The following TSC1 variants were observed in gnomAD, a reference collection of about 807,000 sequenced individuals.
The protein encoded by TSC1 is TSC complex subunit 1, also known as hamartin.
In TSC1, 20 loss-of-function variants were observed where a neutral mutation model predicts 124.3. The ratio of observed to expected loss-of-function variants is 0.16; its 90% CI spans 0.11 to 0.23. The LOEUF is 0.23. TSC1 is among the 10% of genes least tolerant of loss of function. The pLI, the probability that TSC1 is intolerant of heterozygous loss-of-function variation, is 1.00. For missense variants in TSC1, 1,124 were observed against 1,448.5 expected (o/e 0.78, Z 3.64); for synonymous variants, 493 against 539.1 (o/e 0.91, Z 1.19).
In TSC1 at chr9:132,902,101, T is replaced by C; in HGVS notation, c.2392-402A>G. 4.1e-6 allele frequency: 1 copy of C among 245,704 alleles called. No individual in the cohort carries two copies. The highest frequency in any genetic ancestry group is 5.7e-5 in the South Asian group (1 of 17,532). The allele number at this position is 245,704 out of a possible 1,614,324, so 15.2% of individuals were successfully genotyped here. ...ACGTCTTTGTGAAGCCGGGTTTTTTTGGGTGCAGTGATACAAAGCACCACA... is the reference window on the plus strand; with the variant it reads ...ACGTCTTTGTGAAGCCGGGTTTTTTCGGGTGCAGTGATACAAAGCACCACA... On this transcript the variant is annotated intron_variant, in intron 18 of 22. Transcript: ENST00000298552. This position sits in a 1 kb window ranked among gnomAD's most constrained non-coding sequence, Gnocchi z 5.2.
At position 132,892,152 on chromosome 9, in the gene TSC1, G is replaced by A. The variant is rs1844804376; in HGVS notation, c.*4083C>T. ...GACGGCATGGAAGAGACAGGAACACGCTCCCCTGGGCACATCGAAGAGTCC... is the reference window on the plus strand; with the variant it reads ...GACGGCATGGAAGAGACAGGAACACACTCCCCTGGGCACATCGAAGAGTCC... On this transcript the variant is annotated 3_prime_UTR_variant, in exon 23 of 23. Transcript: ENST00000298552. The A allele has an allele frequency of 8.6e-6, 2 of 233,036 alleles. No homozygotes were observed. Among genetic ancestry groups the A allele is most frequent in the East Asian group, 6.0e-5 (1 of 16,574 alleles). The allele number at this position is 233,036 out of a possible 1,614,324, so 14.4% of individuals were successfully genotyped here. A position where few individuals can be genotyped will look rare whatever the true frequency, so the allele number is the denominator to read the frequency against.
Position 132,894,713 on chromosome 9 carries a change from AAAG to A in TSC1, c.*1519_*1521del. On this transcript the variant is annotated 3_prime_UTR_variant, in exon 23 of 23. Coordinates refer to ENST00000298552, the MANE Select transcript of TSC1 (RefSeq NM_000368.5). Reference sequence around the variant, plus strand: ...CATGCTAAAAAAAAAAAAAAAAAAAAAAGACTTTCATTCTCTCTGCTCGAGGCC... The same window carrying A: ...CATGCTAAAAAAAAAAAAAAAAAAAAACTTTCATTCTCTCTGCTCGAGGCC... 1 of 198,308 alleles carries A rather than the reference AAAG, an allele frequency of 5.0e-6. No homozygotes were observed. Among genetic ancestry groups the A allele is most frequent in the Non-Finnish European group, 1.0e-5 (1 of 95,680 alleles). The allele number at this position is 198,308 out of a possible 1,614,324, so 12.3% of individuals were successfully genotyped here.
chr9:132,922,124 C>T, intron 6 of TSC1, 151 bp from the exon 7 acceptor site: 1 of 904,754 alleles, frequency 1.1e-6, no homozygotes, highest in South Asian at 1.4e-5. Flanking sequence ...TTCTAAAATG[C>T]AAACAAATCC....
rs1265920563 is a variant in TSC1, at chr9:132,892,056, C to T, written c.*4179G>A. Reference sequence around the variant, plus strand: ...ACCAGAAGCCATGGGCACAGGTGCTCGGCTCTTCCAGGCAGGCTTCCCTTG... The same window carrying T: ...ACCAGAAGCCATGGGCACAGGTGCTTGGCTCTTCCAGGCAGGCTTCCCTTG... On this transcript the variant is annotated 3_prime_UTR_variant, in exon 23 of 23. Transcript: ENST00000298552. The T allele has an allele frequency of 8.6e-6, 2 of 233,038 alleles. No homozygotes were observed. The highest frequency in any genetic ancestry group is 5.6e-5 in the Admixed American group (1 of 17,776). The allele number at this position is 233,038 out of a possible 1,614,324, so 14.4% of individuals were successfully genotyped here.
chr9:132,905,259 C>T (rs973612682), intron 15 of TSC1, among the ~76,000 whole-genome samples: 1 of 152,140 alleles, frequency 6.6e-6, no homozygotes, highest in African/African-American at 2.4e-5. Context: ...ATACCATAAC[C>T]TCATTTTCAG....
At chr9:132,900,644 A>T (rs118186195) in intron 20 of TSC1, 71 bp downstream of exon 20, 19 of 1,608,916 alleles carry the variant, frequency 1.2e-5, no homozygotes, top group Non-Finnish European at 1.5e-5. Context: ...TCTCTATGCC[A>T]TGCGGGAGAC....
In TSC1 at chr9:132,893,717, C is replaced by T. The variant is rs138187401; in HGVS notation, c.*2518G>A. ...ATTTCTGGATGGAGGCCATCCAATC[C>T]CAATATTTATGAATACCAAGCTGCT... On this transcript the variant is annotated 3_prime_UTR_variant, in exon 23 of 23. Transcript: ENST00000298552. 2.4e-4 allele frequency: 56 copies of T among 233,146 alleles called. No homozygotes were observed. The East Asian group carries it at 3.4e-3, about 14-fold the overall frequency. 14.4% of individuals were successfully genotyped at this position (233,146 alleles called of 1,614,324 possible). A position where few individuals can be genotyped will look rare whatever the true frequency, so the allele number is the denominator to read the frequency against.
At chr9:132,904,344 G>C (rs1845536184) in intron 16 of TSC1, 67 bp downstream of exon 16, 1 of 1,576,042 alleles carries the variant, frequency 6.3e-7, no homozygotes, top group Admixed American at 1.7e-5. Context: ...CTCCTTCAAG[G>C]ACAGAAAGGG....
chr9:132,913,244 G>A (rs1039864868), intron 8 of TSC1, among the ~76,000 whole-genome samples: 1 of 152,182 alleles, frequency 6.6e-6, no homozygotes, highest in East Asian at 1.9e-4. Context: ...CTGAAGGCAT[G>A]ATTTTTTAAA....
At position 132,896,313 on chromosome 9, in the gene TSC1, G is replaced by C. The variant is rs756737864; in HGVS notation, c.3417C>G (p.His1139Gln). 1 of 1,614,124 alleles carries C rather than the reference G, an allele frequency of 6.2e-7. No individual in the cohort carries two copies. The highest frequency in any genetic ancestry group is 1.3e-5 in the African/African-American group (1 of 74,950). The change falls in exon 23 of 23, where the codon CAC (histidine) becomes CAG (glutamine). Residue 1139 changes from histidine (H) to glutamine (Q), a missense_variant. Transcript: ENST00000298552. This position sits in a 1 kb window ranked among gnomAD's most constrained non-coding sequence, Gnocchi z 4.5. ...AKIPLNLDGPHPSPPTPDSVG... is the reference protein window; with the variant it reads ...AKIPLNLDGPQPSPPTPDSVG... ...CACTGTCCGGGGTCGGGGGAGACGG[G>C]TGAGGGCCATCTAGGTTCAGGGGAA...
intron 8 of TSC1, among the ~76,000 whole-genome samples, chr9:132,920,811 C>T (rs936431256): frequency 1.3e-5 from 2 of 152,008 alleles, no homozygotes; most frequent in African/African-American, 4.8e-5. Context: ...CAGTCTTACC[C>T]TCAGTTCCAC....
intron 3 of TSC1, among the ~76,000 whole-genome samples, chr9:132,927,611 C>T (rs1253206065): frequency 6.7e-6 from 1 of 148,530 alleles, no homozygotes; most frequent in Non-Finnish European, 1.5e-5. Flanking sequence ...CAACCTCTGC[C>T]TCCTGGGTTC....
intron 22 of TSC1, 90 bp downstream of exon 22, chr9:132,897,094 C>T: frequency 6.3e-7 from 1 of 1,592,280 alleles, no homozygotes; most frequent in Non-Finnish European, 8.6e-7. Flanking sequence ...GTCTAGTCAG[C>T]AGTAACTGCT....
At chr9:132,916,240 C>G (rs1187486403) in intron 8 of TSC1, among the ~76,000 whole-genome samples, 1 of 152,126 alleles carries the variant, frequency 6.6e-6, no homozygotes, top group South Asian at 2.1e-4. Flanking sequence ...ATCTGAGATC[C>G]AATGAAATAT....
intron 8 of TSC1, chr9:132,913,041 G>A (rs1203624470): frequency 6.5e-6 from 1 of 153,398 alleles, no homozygotes; most frequent in African/African-American, 2.4e-5. Context: ...CTAGGCTCAG[G>A]GATCCTCCTG....
At chr9:132,939,543 A>G (rs929103466) in intron 1 of TSC1, among the ~76,000 whole-genome samples, 3 of 152,232 alleles carry the variant, frequency 2.0e-5, no homozygotes, top group African/African-American at 7.2e-5. Context: ...ACTTAAGTGT[A>G]AGGCCAGAGC....
Position 132,921,451 on chromosome 9 carries a change from T to A in TSC1, c.664-15A>T. The A allele has an allele frequency of 6.2e-7, 1 of 1,614,046 alleles. No homozygotes were observed. Among genetic ancestry groups the A allele is most frequent in the Non-Finnish European group, 8.5e-7 (1 of 1,179,942 alleles). The stretch of plus-strand genomic sequence containing the variant: ...TCCATCATTGGCTAGAAGAGTTGGG[T>A]TGACAAATTATAAAGGGCTGAATGT... On this transcript the variant is annotated splice_polypyrimidine_tract_variant and intron_variant, in intron 7 of 22. Transcript: ENST00000298552. This position sits in a 1 kb window ranked among gnomAD's most constrained non-coding sequence, Gnocchi z 4.3.
In TSC1 at chr9:132,928,763, T is replaced by C. The variant is rs373075566; in HGVS notation, c.106+4A>G. 1.9e-6 allele frequency: 3 copies of C among 1,613,956 alleles called. No individual in the cohort carries two copies. Among genetic ancestry groups the C allele is most frequent in the South Asian group, 1.1e-5 (1 of 91,090 alleles). ...TAAGCTAAAAAGGATATTATTTTGCTAACCAGAATTGAGGTTCTCTTTAAA... is the reference window on the plus strand; with the variant it reads ...TAAGCTAAAAAGGATATTATTTTGCCAACCAGAATTGAGGTTCTCTTTAAA... On this transcript the variant is annotated splice_donor_region_variant and intron_variant, in intron 3 of 22. Transcript: ENST00000298552.
At chr9:132,927,091 C>T (rs765638474) in intron 4 of TSC1, 110 bp downstream of exon 4, 119 of 1,018,490 alleles carry the variant, frequency 1.2e-4, no homozygotes, top group East Asian at 2.3e-4. Flanking sequence ...TCATCAGTGG[C>T]GCACAGAAAT....
Sources: allele counts gnomAD v4.1 joint callset (sites outside exome capture counted in the v4.1 genomes callset), GRCh38; gene constraint gnomAD v4.1.1; non-coding constraint Gnocchi (gnomAD v3.1); transcripts MANE v1.5; gene names NCBI Gene and HGNC (gene_info 2026-07-23, HGNC 2026-07-21).